Variants in MAP2K5 observed in about 807,000 individuals in gnomAD.
MAP2K5 encodes dual specificity mitogen-activated protein kinase kinase 5.
In MAP2K5, 49 loss-of-function variants were observed where a neutral mutation model predicts 83.1. That is an observed-to-expected ratio of 0.59 (90% CI 0.47 to 0.75). The LOEUF (loss-of-function observed/expected upper bound fraction) is 0.75, where lower values mean the gene tolerates loss of function less well. MAP2K5 is among the 30% of genes least tolerant of loss of function. The probability of loss-of-function intolerance (pLI) is 0.00; values close to 1 mark genes in which losing one functional copy is unlikely to be tolerated. For synonymous variants in MAP2K5, 202 were observed against 191.8 expected (o/e 1.05, Z -0.44); for missense variants, 457 against 557.5 (o/e 0.82, Z 1.82).
chr15:67,796,207 C>T (rs2090601862), intron 21 of MAP2K5, among the ~76,000 whole-genome samples: 1 of 152,074 alleles, frequency 6.6e-6, no homozygotes. Flanking sequence ...CTATTTTGTA[C>T]TTTCTCTCTA....
chr15:67,692,667 T>A (rs760386835), intron 14 of MAP2K5, 115 bp downstream of exon 14: 103 of 730,468 alleles, frequency 1.4e-4, no homozygotes, highest in Non-Finnish European at 1.2e-4. Flanking sequence ...AAACTCTGCA[T>A]CTTTTCCTCA....
chr15:67,720,433 T>C lies in MAP2K5; in HGVS notation c.1045-7483T>C, dbSNP rs891576263. Reference sequence around the variant, plus strand: ...GCGTATGGGAGAGGAAGGAGAATTATGTGTTTTGGGACAGCAGGGTTAGAA... The same window carrying C: ...GCGTATGGGAGAGGAAGGAGAATTACGTGTTTTGGGACAGCAGGGTTAGAA... On this transcript the variant is annotated intron_variant, in intron 16 of 21. Coordinates refer to ENST00000178640, the MANE Select transcript of MAP2K5 (RefSeq NM_145160.3). The surrounding 1 kb of genome is among the most constrained non-coding windows in gnomAD (Gnocchi z 5.7). Among the ~76,000 whole-genome samples the C allele has an allele frequency of 6.6e-6, 1 of 152,154 alleles. No individual in the cohort carries two copies. Among genetic ancestry groups the C allele is most frequent in the African/African-American group, 2.4e-5 (1 of 41,440 alleles).
Position 67,552,232 on chromosome 15 carries a change from A to G in MAP2K5, c.184+2150A>G, listed in dbSNP as rs1289940078. On this transcript the variant is annotated intron_variant, in intron 2 of 21. Transcript: ENST00000178640. This position sits in a 1 kb window ranked among gnomAD's most constrained non-coding sequence, Gnocchi z 4.2. ...TATTAGTCACATTGAACTCTGTACT[A>G]TAGAAAAATAGTACATCTGTCTGAA... is the stretch of plus-strand genomic sequence containing the variant. Among the ~76,000 whole-genome samples the G allele has an allele frequency of 6.6e-6, 1 of 152,216 alleles. No individual in the cohort carries two copies. Among genetic ancestry groups the G allele is most frequent in the Non-Finnish European group, 1.5e-5 (1 of 68,042 alleles).
chr15:67,721,416 C>T (rs893892259), intron 16 of MAP2K5, among the ~76,000 whole-genome samples: 3 of 152,012 alleles, frequency 2.0e-5, no homozygotes, highest in Non-Finnish European at 2.9e-5. Context: ...CTGATGGGAC[C>T]CTCACATTTA....
At chr15:67,695,255 A>G (rs1033860870) in intron 15 of MAP2K5, among the ~76,000 whole-genome samples, 1 of 152,238 alleles carries the variant, frequency 6.6e-6, no homozygotes, top group Admixed American at 6.5e-5. Context: ...AACTTAAAGT[A>G]TAATGATAAT....
In MAP2K5 at chr15:67,676,754, A is replaced by C. The variant is rs1401390316; in HGVS notation, c.847+12109A>C. ...TTGTATCTCCATTCTTAGGTGAAGC[A>C]ATCAAGGCTCAAGCAGCCTAAAAAA... On this transcript the variant is annotated intron_variant, in intron 13 of 21. Transcript: ENST00000178640. This position sits in a 1 kb window ranked among gnomAD's most constrained non-coding sequence, Gnocchi z 4.8. Among the ~76,000 whole-genome samples, 1 of 152,174 alleles carries C rather than the reference A, an allele frequency of 6.6e-6. No individual in the cohort carries two copies. Among genetic ancestry groups the C allele is most frequent in the African/African-American group, 2.4e-5 (1 of 41,446 alleles).
chr15:67,733,856 G>C (rs2089280517), intron 17 of MAP2K5, among the ~76,000 whole-genome samples: 1 of 152,188 alleles, frequency 6.6e-6, no homozygotes, highest in African/African-American at 2.4e-5. Context: ...AAAATATCCT[G>C]TTGTTAAAAC....
intron 2 of MAP2K5, among the ~76,000 whole-genome samples, chr15:67,557,523 T>G (rs1481470908): frequency 6.6e-6 from 1 of 152,248 alleles, no homozygotes; most frequent in Non-Finnish European, 1.5e-5. Context: ...TACTCTCTCC[T>G]TATTGCACAG....
At chr15:67,553,512 C>CTT (rs2084554481) in intron 2 of MAP2K5, among the ~76,000 whole-genome samples, 1 of 152,212 alleles carries the variant, frequency 6.6e-6, no homozygotes, top group African/African-American at 2.4e-5. Flanking sequence ...TTATCATGTA[C>CTT]TTTCCACTAT....
At chr15:67,743,407 G>T (rs796792256) in intron 17 of MAP2K5, among the ~76,000 whole-genome samples, 5 of 152,300 alleles carry the variant, frequency 3.3e-5, no homozygotes, top group African/African-American at 1.2e-4. Context: ...GATTGCACAA[G>T]TGAATTATAC....
intron 8 of MAP2K5, among the ~76,000 whole-genome samples, chr15:67,623,267 A>G (rs1377153651): frequency 2.6e-5 from 4 of 152,166 alleles, no homozygotes; most frequent in African/African-American, 9.7e-5. Context: ...TACCACACCT[A>G]TCTGTAGTGT....
intron 11 of MAP2K5, among the ~76,000 whole-genome samples, chr15:67,655,368 T>A (rs2087045403): frequency 6.6e-6 from 1 of 152,214 alleles, no homozygotes; most frequent in Non-Finnish European, 1.5e-5. Flanking sequence ...TGAAAGACTG[T>A]ATTTTATTTC....
At chr15:67,571,209 T>G (rs2084941068) in intron 3 of MAP2K5, among the ~76,000 whole-genome samples, 1 of 152,200 alleles carries the variant, frequency 6.6e-6, no homozygotes, top group South Asian at 2.1e-4. Flanking sequence ...GTTGTTTATT[T>G]TTTTCCCCCA....
chr15:67,767,114 C>A (rs2090054889), intron 19 of MAP2K5, among the ~76,000 whole-genome samples: 1 of 151,976 alleles, frequency 6.6e-6, no homozygotes, highest in South Asian at 2.1e-4. Flanking sequence ...TCATGGGTAC[C>A]ACCCAGTGTT....
At chr15:67,547,455 CTTTTT>C (rs398057779) in intron 1 of MAP2K5, among the ~76,000 whole-genome samples, 1 of 128,756 alleles carries the variant, frequency 7.8e-6, no homozygotes. Context: ...TTTCTTTTTT[CTTTTT>C]TTTTTTTTTT....
Position 67,563,408 on chromosome 15 carries a change from G to C in MAP2K5, c.252+58G>C. The C allele has an allele frequency of 6.4e-7, 1 of 1,567,196 alleles. No homozygotes were observed. Among genetic ancestry groups the C allele is most frequent in the South Asian group, 1.2e-5 (1 of 83,672 alleles). On this transcript the variant is annotated intron_variant, in intron 3 of 21. Transcript: ENST00000178640. This position sits in a 1 kb window ranked among gnomAD's most constrained non-coding sequence, Gnocchi z 4.5. ...AAATCTTAACGTGATTGAGGATGCT[G>C]TTTCTTGGGCATAGTGAAGACGAGT...
At chr15:67,762,565 CAAAA>C (rs5813455) in intron 19 of MAP2K5, among the ~76,000 whole-genome samples, 18 of 119,868 alleles carry the variant, frequency 1.5e-4, no homozygotes, top group Non-Finnish European at 2.3e-4. Context: ...AAATGACAGA[CAAAA>C]AAAAAAAAAA....
intron 15 of MAP2K5, among the ~76,000 whole-genome samples, chr15:67,701,799 C>A (rs2088426017): frequency 1.3e-5 from 2 of 152,204 alleles, no homozygotes; most frequent in Admixed American, 1.3e-4. Flanking sequence ...GCTCCAAAAA[C>A]TGCACATTGA....
rs1021281265 is a variant in MAP2K5, at chr15:67,749,851, A to G, written c.1134+1250A>G. Reference sequence around the variant, plus strand: ...CCTCCCAATTTAACTGGTTTTCCTGAGGTCCCCCTCCAGTTTTGCTTGAGG... The same window carrying G: ...CCTCCCAATTTAACTGGTTTTCCTGGGGTCCCCCTCCAGTTTTGCTTGAGG... On this transcript the variant is annotated intron_variant, in intron 19 of 21. Coordinates refer to ENST00000178640, the MANE Select transcript of MAP2K5 (RefSeq NM_145160.3). The surrounding 1 kb of genome is among the most constrained non-coding windows in gnomAD (Gnocchi z 4.6). Among the ~76,000 whole-genome samples the G allele has an allele frequency of 6.6e-6, 1 of 152,168 alleles. No homozygotes were observed. Among genetic ancestry groups the G allele is most frequent in the African/African-American group, 2.4e-5 (1 of 41,448 alleles).
Sources: gnomAD v4.1 joint callset for allele counts (sites outside exome capture counted in the v4.1 genomes callset) on GRCh38, gnomAD v4.1.1 for gene constraint, Gnocchi (gnomAD v3.1) non-coding constraint, MANE v1.5 for transcripts, NCBI Gene and HGNC (gene_info 2026-07-23, HGNC 2026-07-21) for gene names.